The following SLC39A10 variants were observed in gnomAD, a reference collection of about 807,000 sequenced individuals.
SLC39A10 encodes zinc transporter ZIP10.
Under a neutral mutation model 65.1 loss-of-function variants are expected in SLC39A10, and 13 were observed. That is an observed-to-expected ratio of 0.20 (90% confidence interval 0.13 to 0.32). The LOEUF (loss-of-function observed/expected upper bound fraction) is 0.32, where lower values mean the gene tolerates loss of function less well. SLC39A10 is among the 10% of genes least tolerant of loss of function. The pLI is 1.00. For missense variants in SLC39A10, 831 were observed against 1,018.4 expected (o/e 0.82, Z 2.50); for synonymous variants, 321 against 342.2 (o/e 0.94, Z 0.68).
intron 3 of SLC39A10, among the ~76,000 whole-genome samples, chr2:195,697,100 C>G (rs1346011335): frequency 1.3e-5 from 2 of 152,114 alleles, no homozygotes; most frequent in East Asian, 3.8e-4. Context: ...TTGGTCTTAA[C>G]TGTCTCAGGG....
intron 3 of SLC39A10, among the ~76,000 whole-genome samples, chr2:195,701,673 C>T (rs907676555): frequency 1.3e-5 from 2 of 151,176 alleles, no homozygotes; most frequent in African/African-American, 4.9e-5. Flanking sequence ...AAGATTTTCA[C>T]AGGTTTTTTT....
intron 2 of SLC39A10, among the ~76,000 whole-genome samples, chr2:195,627,782 C>G (rs1332325716): frequency 6.6e-6 from 1 of 152,112 alleles, no homozygotes; most frequent in African/African-American, 2.4e-5. Flanking sequence ...TTGAGAATCT[C>G]TAAATACTGA....
At chr2:195,617,466 G>A (rs1436484804) in intron 2 of SLC39A10, among the ~76,000 whole-genome samples, 1 of 152,018 alleles carries the variant, frequency 6.6e-6, no homozygotes, top group Non-Finnish European at 1.5e-5. Flanking sequence ...GGAGGCTGAT[G>A]CAGAAGAATT....
chr2:195,708,737 G>C lies in SLC39A10; in HGVS notation c.1468G>C (p.Glu490Gln). The change falls in exon 5 of 10, where the codon GAA becomes CAA. Residue 490 changes from glutamate to glutamine, a missense_variant. Physicochemically the swap from Glu to Gln is conservative, Grantham distance 29 (BLOSUM62 2). This residue lies in a region of SLC39A10 where 230 missense variants were observed against 242.9 expected (regional missense o/e 0.95). Coordinates refer to ENST00000359634, the MANE Select transcript of SLC39A10 (RefSeq NM_020342.3). ...SHGHESNKFL[E>Q]EYDAVLKGLV... ...TGGACATGAATCTAACAAGTTTTTG[G>C]AAGAATATGATGCTGTATTGAAAGG... 1 of 1,613,146 alleles carries C rather than the reference G, an allele frequency of 6.2e-7. No individual in the cohort carries two copies. The highest frequency in any genetic ancestry group is 8.5e-7 in the Non-Finnish European group (1 of 1,179,554).
At position 195,728,500 on chromosome 2, in the gene SLC39A10, A is replaced by T. The variant is rs572666165; in HGVS notation, c.2337+151A>T. ...TCTTAAGGAAGGACATTTAAGTAGG[A>T]GGTTTCCTTTTATGGAAACCAGTTG... On this transcript the variant is annotated intron_variant, in intron 9 of 9. Coordinates refer to ENST00000359634, the MANE Select transcript of SLC39A10 (RefSeq NM_020342.3). The surrounding 1 kb of genome is among the most constrained non-coding windows in gnomAD (Gnocchi z 4.4). 1 of 725,894 alleles carries T rather than the reference A, an allele frequency of 1.4e-6. No homozygotes were observed. Among genetic ancestry groups the T allele is most frequent in the Non-Finnish European group, 2.1e-6 (1 of 471,268 alleles). The allele number at this position is 725,894 out of a possible 1,614,324, so 45.0% of individuals were successfully genotyped here.
chr2:195,717,690 G>T (rs1691870962), intron 7 of SLC39A10, among the ~76,000 whole-genome samples: 1 of 152,100 alleles, frequency 6.6e-6, no homozygotes, highest in Non-Finnish European at 1.5e-5. Context: ...AAAGTGCTAG[G>T]ATTACAGGCA....
At chr2:195,655,469 A>G (rs1051868822), upstream of SLC39A10, among the ~76,000 whole-genome samples, 1 of 152,244 alleles carries the variant, frequency 6.6e-6, no homozygotes, top group Non-Finnish European at 1.5e-5. Flanking sequence ...GTGTTCAATA[A>G]AATAAGTATG....
At chr2:195,615,041 G>T (rs1048653434) in intron 2 of SLC39A10, among the ~76,000 whole-genome samples, 19 of 152,120 alleles carry the variant, frequency 1.2e-4, no homozygotes, top group African/African-American at 4.3e-4. Context: ...GGGGAACAGT[G>T]AGACCTTGTC....
Position 195,634,916 on chromosome 2 carries a change from T to C in SLC39A10, c.-12+28683T>C, listed in dbSNP as rs538489628. ...TACAAAAATTAGCCAGGCATGATGG[T>C]GGGTACCTGTAATCCTAGCTACTCG... On this transcript the variant is annotated intron_variant, in intron 2 of 2. Transcript: ENST00000458054. 1.7e-4 allele frequency among the ~76,000 whole-genome samples: 26 copies of C among 152,076 alleles called. 1 individual carries two copies. Among genetic ancestry groups the C allele is most frequent in the African/African-American group, 5.8e-4 (24 of 41,492 alleles).
chr2:195,617,345 A>C (rs145189301), intron 2 of SLC39A10, among the ~76,000 whole-genome samples: 4,498 of 151,594 alleles, frequency 0.03, 248 homozygotes, highest in African/African-American at 0.1. Context: ...GGCAGATCAC[A>C]AGGTCAGGAC....
chr2:195,664,318 T>G (rs1228602124), intron 1 of SLC39A10, among the ~76,000 whole-genome samples: 1 of 152,058 alleles, frequency 6.6e-6, no homozygotes, highest in African/African-American at 2.4e-5. Context: ...GAAATAGATG[T>G]TAGGGGTTTT....
chr2:195,663,470 A>G (rs562586310), intron 1 of SLC39A10, among the ~76,000 whole-genome samples: 88 of 151,932 alleles, frequency 5.8e-4, no homozygotes, highest in African/African-American at 1.7e-3. Context: ...GTGTGTTACT[A>G]CATTATAAAA....
intron 3 of SLC39A10, among the ~76,000 whole-genome samples, chr2:195,705,462 A>C (rs901468745): frequency 1.3e-5 from 2 of 152,218 alleles, no homozygotes; most frequent in Admixed American, 1.3e-4. Context: ...TACAACGCCC[A>C]TTGGATAAAA....
chr2:195,617,803 A>G (rs546404055), intron 2 of SLC39A10, among the ~76,000 whole-genome samples: 1 of 151,038 alleles, frequency 6.6e-6, no homozygotes, highest in Admixed American at 6.6e-5. Flanking sequence ...GCAGTGGCAC[A>G]ATCTCGGCGG....
intron 2 of SLC39A10, among the ~76,000 whole-genome samples, chr2:195,642,877 C>T (rs1688840411): frequency 6.6e-6 from 1 of 152,032 alleles, no homozygotes; most frequent in East Asian, 1.9e-4. Context: ...GAACAAAAGC[C>T]CTTGAAGCAG....
At chr2:195,618,404 G>A (rs940727925) in intron 2 of SLC39A10, among the ~76,000 whole-genome samples, 2 of 151,740 alleles carry the variant, frequency 1.3e-5, no homozygotes, top group African/African-American at 4.8e-5. Context: ...ATTGAGAAAG[G>A]AAAGCAAGAT....
rs538406673 is a variant in SLC39A10 at position 195,713,949 on chromosome 2, CAG to C, written c.1696+399_1696+400del. On this transcript the variant is annotated intron_variant, in intron 6 of 9. Transcript: ENST00000359634. ...ACAAAGACTTTTTTTTTTTTTGAGA[CAG>C]AGTCTCACTCTGTCGCCCAGGCTGG... Among the ~76,000 whole-genome samples, 10 of 150,574 alleles carry C rather than the reference CAG, an allele frequency of 6.6e-5. No individual in the cohort carries two copies. In the South Asian group the frequency reaches 1.9e-3, roughly 29 times the overall value.
Position 195,680,764 on chromosome 2 carries a change from A to G in SLC39A10, c.722A>G (p.Asn241Ser). Residue 241 changes from asparagine (N) to serine (S), a missense_variant, in exon 2 of 10, where the codon AAT becomes AGT. Coordinates refer to ENST00000359634, the MANE Select transcript of SLC39A10 (RefSeq NM_020342.3). Reference sequence around the variant, plus strand: ...AGGAAGAAAAAAGGGAGGAAAAGTAATGAAAATTCTGAGGTTATTACACCA... The same window carrying G: ...AGGAAGAAAAAAGGGAGGAAAAGTAGTGAAAATTCTGAGGTTATTACACCA... ...GKRKKKGRKSNENSEVITPGF... is the reference protein window; with the variant it reads ...GKRKKKGRKSSENSEVITPGF... 1 of 1,614,192 alleles carries G rather than the reference A, an allele frequency of 6.2e-7. No homozygotes were observed. Among genetic ancestry groups the G allele is most frequent in the Non-Finnish European group, 8.5e-7 (1 of 1,180,030 alleles).
intron 3 of SLC39A10, among the ~76,000 whole-genome samples, chr2:195,684,660 A>T (rs1690456632): frequency 6.6e-6 from 1 of 151,780 alleles, no homozygotes; most frequent in South Asian, 2.1e-4. Flanking sequence ...ATCAGGTATG[A>T]AGTCCAGTTA....
Sources: gnomAD v4.1 joint callset for allele counts (sites outside exome capture counted in the v4.1 genomes callset) on GRCh38, gnomAD v4.1.1 for gene constraint, gnomAD v4.1.1 regional missense constraint, Gnocchi (gnomAD v3.1) non-coding constraint, MANE v1.5 for transcripts, NCBI Gene and HGNC (gene_info 2026-07-23, HGNC 2026-07-21) for gene names.